The following SENP3 variants were observed in gnomAD, a reference collection of about 807,000 sequenced individuals.
The protein encoded by SENP3 is sentrin-specific protease 3.
In SENP3, 11 loss-of-function variants were observed where a neutral mutation model predicts 66.2. The ratio of observed to expected loss-of-function variants is 0.17; its 90% CI spans 0.10 to 0.28. The LOEUF (loss-of-function observed/expected upper bound fraction) is 0.28, where lower values mean the gene tolerates loss of function less well. Among genes scored for constraint, SENP3 ranks in the 10% least tolerant of loss-of-function variants. SENP3 has a pLI of 1.00. For missense variants in SENP3, 548 were observed against 743.7 expected, an observed-to-expected ratio of 0.74 and a Z score of 3.06; for synonymous variants, 292 against 277.6, an observed-to-expected ratio of 1.05 and a Z score of -0.52.
intron 7 of SENP3, 85 bp downstream of exon 7, chr17:7,567,089 C>A: frequency 1.1e-6 from 1 of 891,514 alleles, no homozygotes; most frequent in Non-Finnish European, 1.8e-6. Flanking sequence ...TTTCCCTGAC[C>A]GTGTTCATTC....
At chr17:7,566,266 G>A (rs899984855) in intron 6 of SENP3, among the ~76,000 whole-genome samples, 4 of 151,670 alleles carry the variant, frequency 2.6e-5, no homozygotes, top group African/African-American at 9.7e-5. Context: ...GCTTGAACCC[G>A]TGAGGCGGAG....
Position 7,570,939 on chromosome 17 carries a change from C to T in SENP3, c.1614+6C>T. Reference sequence around the variant, plus strand: ...GTGGTGCTTTTGTGTTGCAGGTAAGCAGATGATGGGGCCACCTCCCCTAGC... The same window carrying T: ...GTGGTGCTTTTGTGTTGCAGGTAAGTAGATGATGGGGCCACCTCCCCTAGC... On this transcript the variant is annotated splice_donor_region_variant and intron_variant, in intron 10 of 10. Coordinates refer to ENST00000321337, the MANE Select transcript of SENP3 (RefSeq NM_015670.6). The surrounding 1 kb of genome is among the most constrained non-coding windows in gnomAD (Gnocchi z 5.4). The T allele has an allele frequency of 1.9e-6, 3 of 1,612,708 alleles. No homozygotes were observed. Among genetic ancestry groups the T allele is most frequent in the Non-Finnish European group, 2.5e-6 (3 of 1,179,262 alleles).
chr17:7,571,476 C>A lies in SENP3; in HGVS notation c.1718C>A (p.Thr573Asn). Residue 573 changes from threonine (T) to asparagine (N), a missense_variant, in exon 11 of 11, where the codon ACT becomes AAT. Around this residue, in one of 6 missense-constraint regions of SENP3, gnomAD observed 81 missense variants for 139.8 expected, o/e 0.58. Coordinates refer to ENST00000321337, the MANE Select transcript of SENP3 (RefSeq NM_015670.6). ...IYKELCHCKL[T>N]V ...AAGGAGCTGTGTCACTGCAAACTCA[C>A]TGTGTGAGCCTCGTACCCCAGACCC... The A allele has an allele frequency of 6.2e-7, 1 of 1,612,728 alleles. No individual in the cohort carries two copies. The highest frequency in any genetic ancestry group is 2.2e-5 in the East Asian group (1 of 44,846).
chr17:7,565,803 C>G, intron 6 of SENP3, 39 bp downstream of exon 6: 16 of 1,597,986 alleles, frequency 1.0e-5, no homozygotes, highest in Non-Finnish European at 1.4e-5. Context: ...AGAGGAACTT[C>G]TGCAGTTTTA....
chr17:7,568,254 C>G (rs1451899956), intron 7 of SENP3, among the ~76,000 whole-genome samples: 1 of 151,876 alleles, frequency 6.6e-6, no homozygotes, highest in Non-Finnish European at 1.5e-5. Context: ...TTAAGGCAAT[C>G]ACTGAGGATC....
In SENP3 at chr17:7,570,862, T is replaced by G. The variant is rs2071307381; in HGVS notation, c.1564-21T>G. On this transcript the variant is annotated intron_variant, in intron 9 of 10. Coordinates refer to ENST00000321337, the MANE Select transcript of SENP3 (RefSeq NM_015670.6). The surrounding 1 kb of genome is among the most constrained non-coding windows in gnomAD (Gnocchi z 5.4). ...CCTGGGAGTCTCCATGTGAAGGGCC[T>G]GCTTTCTTTCTCTTCTCTAGAATGT... is the stretch of plus-strand genomic sequence containing the variant. 1 of 1,611,874 alleles carries G rather than the reference T, an allele frequency of 6.2e-7. No homozygotes were observed.
rs527718837 is a variant in SENP3, at chr17:7,568,078, C to T, written c.1341+1074C>T. Reference sequence around the variant, plus strand: ...ATACATATTTGGTCTCCTGACCAGGCTCCTGGCATTCAACTTCTAAAATCC... The same window carrying T: ...ATACATATTTGGTCTCCTGACCAGGTTCCTGGCATTCAACTTCTAAAATCC... On this transcript the variant is annotated intron_variant, in intron 7 of 10. Coordinates refer to ENST00000321337, the MANE Select transcript of SENP3 (RefSeq NM_015670.6). Among the ~76,000 whole-genome samples, 19 of 151,180 alleles carry T rather than the reference C, an allele frequency of 1.3e-4. No homozygotes were observed. The East Asian group carries it at 1.9e-3, about 15-fold the overall frequency.
At chr17:7,565,895 T>C in intron 6 of SENP3, 131 bp downstream of exon 6, 1 of 719,766 alleles carries the variant, frequency 1.4e-6, no homozygotes, top group Admixed American at 2.8e-5. Context: ...GTAGTGGTAG[T>C]GTATTAATTT....
chr17:7,570,203 A>G lies in SENP3; in HGVS notation c.1342-153A>G, dbSNP rs536961619. On this transcript the variant is annotated intron_variant, in intron 7 of 10. Transcript: ENST00000321337. This position sits in a 1 kb window ranked among gnomAD's most constrained non-coding sequence, Gnocchi z 5.4. ...CTCCCTTACCCCGAAGAACCGAAACATGCAGATCCTGAGCTTGCCCACAAT... is the reference window on the plus strand; with the variant it reads ...CTCCCTTACCCCGAAGAACCGAAACGTGCAGATCCTGAGCTTGCCCACAAT... Among the ~76,000 whole-genome samples, 1 of 152,264 alleles carries G rather than the reference A, an allele frequency of 6.6e-6. No individual in the cohort carries two copies. Among genetic ancestry groups the G allele is most frequent in the African/African-American group, 2.4e-5 (1 of 41,554 alleles).
rs1367428989 is a variant in SENP3 at position 7,570,944 on chromosome 17, G to C, written c.1614+11G>C. On this transcript the variant is annotated intron_variant, in intron 10 of 10. Transcript: ENST00000321337. This position sits in a 1 kb window ranked among gnomAD's most constrained non-coding sequence, Gnocchi z 5.4. Reference sequence around the variant, plus strand: ...GCTTTTGTGTTGCAGGTAAGCAGATGATGGGGCCACCTCCCCTAGCTCTGA... The same window carrying C: ...GCTTTTGTGTTGCAGGTAAGCAGATCATGGGGCCACCTCCCCTAGCTCTGA... 6.2e-7 allele frequency: 1 copy of C among 1,612,504 alleles called. No individual in the cohort carries two copies. Among genetic ancestry groups the C allele is most frequent in the Non-Finnish European group, 8.5e-7 (1 of 1,179,110 alleles).
rs973828091 is a variant in SENP3 at position 7,571,554 on chromosome 17, G to A, written c.*71G>A. On this transcript the variant is annotated 3_prime_UTR_variant, in exon 11 of 11. Transcript: ENST00000321337. ...GGGAGTCCCTTCCCAAGAAACTCCA[G>A]TTCCTTTCCTCTCTTGCCTCTTCCC... 23 of 1,012,102 alleles carry A rather than the reference G, an allele frequency of 2.3e-5. No individual in the cohort carries two copies. Among genetic ancestry groups the A allele is most frequent in the Non-Finnish European group, 3.5e-5 (23 of 647,918 alleles). The allele number at this position is 1,012,102 out of a possible 1,614,324, so 62.7% of individuals were successfully genotyped here.
chr17:7,567,399 G>A (rs2071276784), intron 7 of SENP3, among the ~76,000 whole-genome samples: 1 of 151,994 alleles, frequency 6.6e-6, no homozygotes, highest in Non-Finnish European at 1.5e-5. Flanking sequence ...TGGCCTGTAA[G>A]CCCAGCTATT....
At position 7,571,738 on chromosome 17, in the gene SENP3, G is replaced by A. The variant is rs1320917854; in HGVS notation, c.*255G>A. On this transcript the variant is annotated 3_prime_UTR_variant, in exon 11 of 11. Coordinates refer to ENST00000321337, the MANE Select transcript of SENP3 (RefSeq NM_015670.6). Reference sequence around the variant, plus strand: ...GGAGTGTGGCCCTGTGGCCTGGGTGGAGCAGTCATCCTCCCCCTTCCCCGT... The same window carrying A: ...GGAGTGTGGCCCTGTGGCCTGGGTGAAGCAGTCATCCTCCCCCTTCCCCGT... 1 of 304,026 alleles carries A rather than the reference G, an allele frequency of 3.3e-6. No homozygotes were observed. The allele number at this position is 304,026 out of a possible 1,614,324, so 18.8% of individuals were successfully genotyped here.
chr17:7,566,900 T>C (rs768148311), intron 6 of SENP3, 27 bp from the exon 7 acceptor site: 1 of 1,503,402 alleles, frequency 6.7e-7, no homozygotes. Flanking sequence ...TTTAATTCCA[T>C]TGAGCTTTTT....
At position 7,562,730 on chromosome 17, in the gene SENP3, T is replaced by A. The variant is rs1205059377; in HGVS notation, c.-11-336T>A. Among the ~76,000 whole-genome samples, 1 of 152,216 alleles carries A rather than the reference T, an allele frequency of 6.6e-6. No homozygotes were observed. Among genetic ancestry groups the A allele is most frequent in the South Asian group, 2.1e-4 (1 of 4,826 alleles). ...TCCCTGAGGAAAGAAACTGCCCTTGTTGGGCCCTCAAAGGACAGCCCTGGT... is the reference window on the plus strand; with the variant it reads ...TCCCTGAGGAAAGAAACTGCCCTTGATGGGCCCTCAAAGGACAGCCCTGGT... On this transcript the variant is annotated intron_variant, in intron 1 of 10. Coordinates refer to ENST00000321337, the MANE Select transcript of SENP3 (RefSeq NM_015670.6). This position sits in a 1 kb window ranked among gnomAD's most constrained non-coding sequence, Gnocchi z 5.0.
chr17:7,571,294 G>A (rs2071311902), intron 10 of SENP3, 79 bp from the exon 11 acceptor site: 2 of 1,073,486 alleles, frequency 1.9e-6, no homozygotes, highest in Admixed American at 3.8e-5. Context: ...TCTGAAGGAT[G>A]GAGACACATC....
At chr17:7,564,446 A>G in intron 2 of SENP3, 179 bp from the exon 3 acceptor site, 1 of 821,458 alleles carries the variant, frequency 1.2e-6, no homozygotes, top group East Asian at 2.7e-5. Flanking sequence ...AATCTCTTGG[A>G]CATGTTTATC....
At chr17:7,563,816 T>C in intron 2 of SENP3, 25 bp downstream of exon 2, 1 of 1,525,262 alleles carries the variant, frequency 6.6e-7, no homozygotes, top group South Asian at 1.2e-5. Context: ...GGGTGTGGGG[T>C]TGCGGGGGAG....
At chr17:7,571,342 G>T (rs146268752) in intron 10 of SENP3, 31 bp from the exon 11 acceptor site, 15 of 1,512,300 alleles carry the variant, frequency 9.9e-6, no homozygotes, top group East Asian at 6.8e-5. Context: ...GACACGGGGG[G>T]TTTCTCATGG....
Sources: allele counts gnomAD v4.1 joint callset (sites outside exome capture counted in the v4.1 genomes callset), GRCh38; gene constraint gnomAD v4.1.1; regional missense constraint gnomAD v4.1.1; non-coding constraint Gnocchi (gnomAD v3.1); transcripts MANE v1.5; gene names NCBI Gene and HGNC (gene_info 2026-07-23, HGNC 2026-07-21).